MAGT1: variants seen among roughly 807,000 people sequenced by gnomAD.
The protein encoded by MAGT1 is dolichyl-diphosphooligosaccharide--protein glycosyltransferase subunit MAGT1.
MAGT1 carries 4 observed loss-of-function variants against 28.4 expected under a neutral mutation model. The observed-to-expected ratio is 0.14, with a 90% confidence interval of 0.07 to 0.32. The LOEUF is 0.32. MAGT1 is among the 10% of genes least tolerant of loss of function. The pLI, the probability that MAGT1 is intolerant of heterozygous loss-of-function variation, is 1.00. For synonymous variants in MAGT1, 89 were observed against 89.7 expected (o/e 0.99, Z 0.04); for missense variants, 193 against 264.5 (o/e 0.73, Z 1.88).
intron 8 of MAGT1, among the ~76,000 whole-genome samples, chrX:77,831,839 C>T (rs1361950514): frequency 1.9e-5 from 2 of 106,162 alleles, no homozygotes; most frequent in East Asian, 3.0e-4. Context: ...AGTGATCTTC[C>T]GCTTCAGCCT....
At chrX:77,849,553 A>G (rs2076961278) in intron 7 of MAGT1, among the ~76,000 whole-genome samples, 1 of 111,349 alleles carries the variant, frequency 9.0e-6, no homozygotes, top group South Asian at 3.7e-4. Flanking sequence ...TTCTGGTTAC[A>G]TAAGTGTGTT....
intron 5 of MAGT1, 99 bp downstream of exon 5, chrX:77,856,634 G>A: frequency 1.2e-6 from 1 of 812,521 alleles, no homozygotes. Flanking sequence ...CCTCAGGTAA[G>A]AAATAAAATG....
At chrX:77,890,957 G>T (rs2077080547) in intron 1 of MAGT1, among the ~76,000 whole-genome samples, 1 of 110,923 alleles carries the variant, frequency 9.0e-6, no homozygotes, top group African/African-American at 3.3e-5. Flanking sequence ...TTTTTATTAT[G>T]CTTCAGTATG....
chrX:77,835,876 T>C (rs138546636), intron 8 of MAGT1, among the ~76,000 whole-genome samples: 4,218 of 111,316 alleles, frequency 0.038, 116 homozygotes, highest in African/African-American at 0.1. Flanking sequence ...CCAGCTTGGC[T>C]CACTTCAACC....
intron 4 of MAGT1, 149 bp downstream of exon 4, chrX:77,857,208 A>T (rs1426017507): frequency 2.9e-6 from 2 of 690,752 alleles, no homozygotes; most frequent in East Asian, 6.4e-5. Flanking sequence ...TCACTCATTC[A>T]TCAAGATGAT....
chrX:77,854,256 T>C (rs112749781), intron 6 of MAGT1, among the ~76,000 whole-genome samples: 134 of 111,429 alleles, frequency 1.2e-3, no homozygotes, highest in African/African-American at 3.0e-3. Context: ...CTCATTGCAA[T>C]CCCAAAGTCC....
intron 8 of MAGT1, 80 bp downstream of exon 8, chrX:77,841,162 ATAAG>A (rs1374972977): frequency 1.2e-4 from 88 of 743,491 alleles, no homozygotes; most frequent in Non-Finnish European, 1.8e-4. Context: ...TACTTATCCT[ATAAG>A]TAAGAGGAAA....
At chrX:77,831,046 C>A in intron 8 of MAGT1, 151 bp from the exon 9 acceptor site, 1 of 187,234 alleles carries the variant, frequency 5.3e-6, no homozygotes, top group Non-Finnish European at 9.3e-6. Context: ...GAGACGGAGT[C>A]TCGCTCTTTC....
intron 7 of MAGT1, among the ~76,000 whole-genome samples, chrX:77,847,221 A>T (rs954005390): frequency 1.8e-5 from 2 of 111,989 alleles, no homozygotes; most frequent in Admixed American, 9.4e-5. Context: ...TGGGCGTAGG[A>T]CCCTCCAAGC....
At chrX:77,882,885 T>C (rs2077056373) in intron 1 of MAGT1, among the ~76,000 whole-genome samples, 1 of 106,449 alleles carries the variant, frequency 9.4e-6, no homozygotes, top group South Asian at 3.9e-4. Context: ...GAGGATCACT[T>C]GAGCCCAGGA....
At chrX:77,836,728 G>A (rs1370002553) in intron 8 of MAGT1, among the ~76,000 whole-genome samples, 1 of 110,001 alleles carries the variant, frequency 9.1e-6, no homozygotes, top group African/African-American at 3.3e-5. Flanking sequence ...ATGTAGCGAG[G>A]CCCCATCTCT....
rs183582125 is a variant in MAGT1 at position 77,836,799 on chromosome X, G to A, written c.901+4447C>T. On this transcript the variant is annotated intron_variant, in intron 8 of 9. Transcript: ENST00000618282. Reference sequence around the variant, plus strand: ...TAGTCCCACCTACTAGGAAGGCTGAGGTGGGAGGATCACCTGAGCCAGGGA... The same window carrying A: ...TAGTCCCACCTACTAGGAAGGCTGAAGTGGGAGGATCACCTGAGCCAGGGA... 9.0e-5 allele frequency among the ~76,000 whole-genome samples: 10 copies of A among 111,189 alleles called. No homozygotes were observed. In the East Asian group the frequency reaches 2.5e-3, roughly 28 times the overall value.
intron 7 of MAGT1, among the ~76,000 whole-genome samples, chrX:77,849,071 TTTC>T (rs1225652838): frequency 1.8e-5 from 2 of 108,164 alleles, no homozygotes; most frequent in Admixed American, 1.0e-4. Context: ...TTTATTGTGT[TTTC>T]TTTTTTTTTT....
intron 8 of MAGT1, among the ~76,000 whole-genome samples, chrX:77,834,199 CATAT>C (rs1204450853): frequency 1.0e-5 from 1 of 95,667 alleles, no homozygotes; most frequent in African/African-American, 3.8e-5. Context: ...TATATATATG[CATAT>C]ATATACATGT....
At chrX:77,861,348 G>A (rs1557216461) in intron 3 of MAGT1, among the ~76,000 whole-genome samples, 1 of 111,126 alleles carries the variant, frequency 9.0e-6, no homozygotes, top group African/African-American at 3.3e-5. Context: ...TCATAAAGAT[G>A]GCTATTATCC....
chrX:77,852,065 AT>A (rs1193702661), intron 7 of MAGT1, among the ~76,000 whole-genome samples: 82 of 105,536 alleles, frequency 7.8e-4, no homozygotes, highest in African/African-American at 1.6e-3. Flanking sequence ...CGCTCAGCTA[AT>A]TTTTTTTTGT....
intron 6 of MAGT1, among the ~76,000 whole-genome samples, chrX:77,854,546 A>C: frequency 9.0e-6 from 1 of 110,504 alleles, no homozygotes; most frequent in African/African-American, 3.3e-5. Context: ...ATGACGTCTC[A>C]CTATGCTGCC....
At chrX:77,833,877 AT>A (rs2076905645) in intron 8 of MAGT1, among the ~76,000 whole-genome samples, 1 of 111,434 alleles carries the variant, frequency 9.0e-6, no homozygotes. Flanking sequence ...TTGACTTCAA[AT>A]TATACTATAG....
chrX:77,890,522 T>C (rs2077079368), intron 1 of MAGT1, among the ~76,000 whole-genome samples: 1 of 112,174 alleles, frequency 8.9e-6, no homozygotes, highest in Admixed American at 9.6e-5. Context: ...ACTAAGCCTG[T>C]TTCTCTAATC....
Sources: allele counts gnomAD v4.1 joint callset (sites outside exome capture counted in the v4.1 genomes callset), GRCh38; gene constraint gnomAD v4.1.1; transcripts MANE v1.5; gene names NCBI Gene and HGNC (gene_info 2026-07-23, HGNC 2026-07-21).